The following ZC3H3 variants were observed in gnomAD, a reference collection of about 807,000 sequenced individuals.
The protein encoded by ZC3H3 is zinc finger CCCH domain-containing protein 3.
ZC3H3 carries 36 observed loss-of-function variants against 77.3 expected under a neutral mutation model. The ratio of observed to expected loss-of-function variants is 0.47; its 90% confidence interval spans 0.36 to 0.61. The LOEUF (loss-of-function observed/expected upper bound fraction) is 0.61, where lower values mean the gene tolerates loss of function less well. Ranked by LOEUF, ZC3H3 falls within the 20% of genes least tolerant of loss-of-function variation. The pLI is 0.00. For missense variants in ZC3H3, 1,331 were observed against 1,312.2 expected, an observed-to-expected ratio of 1.01 and a Z score of -0.22; for synonymous variants, 626 against 555.2, an observed-to-expected ratio of 1.13 and a Z score of -1.79.
Position 143,538,732 on chromosome 8 carries a change from G to A in ZC3H3, c.635C>T (p.Pro212Leu), listed in dbSNP as rs758053909. The change falls in exon 2 of 12, where the codon CCC (proline) becomes CTC (leucine). Residue 212 changes from proline to leucine, a missense_variant. Pro to Leu is a moderately conservative substitution (Grantham distance 98). This residue lies in a region of ZC3H3 where 978 missense variants were observed against 915.5 expected (regional missense o/e 1.07). Coordinates refer to ENST00000262577, the MANE Select transcript of ZC3H3 (RefSeq NM_015117.3). The part of the protein sequence containing the change: ...VKSVGSVGDS[P>L]REPRRTVSES... The stretch of plus-strand genomic sequence containing the variant: ...ACTGACTGTCCGGCGGGGCTCCCGG[G>A]GGCTGTCGCCCACACTGCCCACTGA... 2.5e-6 allele frequency: 4 copies of A among 1,609,914 alleles called. No homozygotes were observed. Among genetic ancestry groups the A allele is most frequent in the Non-Finnish European group, 2.5e-6 (3 of 1,179,866 alleles).
intron 4 of ZC3H3, among the ~76,000 whole-genome samples, chr8:143,490,366 C>G (rs1821168196): frequency 6.6e-6 from 1 of 152,258 alleles, no homozygotes; most frequent in Admixed American, 6.5e-5. Flanking sequence ...ACACTCCTGT[C>G]CCCTGTGGGG....
intron 3 of ZC3H3, among the ~76,000 whole-genome samples, chr8:143,526,485 T>C (rs947007853): frequency 2.0e-5 from 3 of 152,214 alleles, no homozygotes; most frequent in African/African-American, 7.2e-5. Flanking sequence ...CAGCACGCGA[T>C]TGGACTTGGT....
intron 9 of ZC3H3, among the ~76,000 whole-genome samples, chr8:143,442,587 G>A (rs1339053579): frequency 6.6e-6 from 1 of 152,176 alleles, no homozygotes; most frequent in Non-Finnish European, 1.5e-5. Context: ...GGCTGCGGGT[G>A]CATTTTATCA....
At chr8:143,483,166 G>A (rs952085659) in intron 4 of ZC3H3, among the ~76,000 whole-genome samples, 4 of 152,248 alleles carry the variant, frequency 2.6e-5, no homozygotes, top group Non-Finnish European at 2.9e-5. Context: ...GCGCCGCAGC[G>A]AATCCCCAAG....
chr8:143,533,333 G>A lies in ZC3H3; in HGVS notation c.1561+2924C>T, dbSNP rs185423705. Among the ~76,000 whole-genome samples the A allele has an allele frequency of 9.2e-5, 14 of 152,248 alleles. No homozygotes were observed. The highest frequency in any genetic ancestry group is 3.1e-4 in the African/African-American group (13 of 41,538). The stretch of plus-strand genomic sequence containing the variant: ...AGCTGAGCCCTATTCGCTCCTCTCT[G>A]CTCAGGTCACCTCCTCAGAGAAGCC... On this transcript the variant is annotated intron_variant, in intron 3 of 11. Coordinates refer to ENST00000262577, the MANE Select transcript of ZC3H3 (RefSeq NM_015117.3). This position sits in a 1 kb window ranked among gnomAD's most constrained non-coding sequence, Gnocchi z 4.0.
In ZC3H3 at chr8:143,527,277, G is replaced by T. The variant is rs1231095178; in HGVS notation, c.1561+8980C>A. On this transcript the variant is annotated intron_variant, in intron 3 of 11. Coordinates refer to ENST00000262577, the MANE Select transcript of ZC3H3 (RefSeq NM_015117.3). ...TGCCAAGACACGTGACTGGGGGGATGTGCCAGCCCTGGGCTGGGAAGAGAG... is the reference window on the plus strand; with the variant it reads ...TGCCAAGACACGTGACTGGGGGGATTTGCCAGCCCTGGGCTGGGAAGAGAG... 5.9e-5 allele frequency among the ~76,000 whole-genome samples: 9 copies of T among 152,340 alleles called. No homozygotes were observed. The East Asian group carries it at 1.7e-3, about 29-fold the overall frequency.
At chr8:143,492,195 C>T (rs540047730) in intron 4 of ZC3H3, among the ~76,000 whole-genome samples, 8 of 152,310 alleles carry the variant, frequency 5.3e-5, no homozygotes, top group South Asian at 2.1e-4. Context: ...CCAGGTCGGG[C>T]GGCAAAGCCT....
In ZC3H3 at chr8:143,507,961, G is replaced by A. The variant is rs1036984434; in HGVS notation, c.1562-62C>T. The A allele has an allele frequency of 2.9e-5, 43 of 1,483,114 alleles. 1 individual carries two copies. In the Admixed American group the frequency reaches 8.7e-4, roughly 30 times the overall value. The allele number at this position is 1,483,114 out of a possible 1,614,324, so 91.9% of individuals were successfully genotyped here. A position where few individuals can be genotyped will look rare whatever the true frequency, so the allele number is the denominator to read the frequency against. The stretch of plus-strand genomic sequence containing the variant: ...GAAGGCCGGCAAGGGTAGGGTCAGA[G>A]AGGCCACCCACAGTGCCAGCTCTGC... On this transcript the variant is annotated intron_variant, in intron 3 of 11. Coordinates refer to ENST00000262577, the MANE Select transcript of ZC3H3 (RefSeq NM_015117.3).
At chr8:143,449,981 C>G (rs1445879715) in intron 9 of ZC3H3, among the ~76,000 whole-genome samples, 1 of 152,182 alleles carries the variant, frequency 6.6e-6, no homozygotes, top group Non-Finnish European at 1.5e-5. Context: ...AACAATTTAA[C>G]AAGTCTCTAG....
At chr8:143,471,333 G>A (rs1022875958) in intron 5 of ZC3H3, among the ~76,000 whole-genome samples, 8 of 152,244 alleles carry the variant, frequency 5.3e-5, no homozygotes, top group African/African-American at 1.4e-4. Flanking sequence ...AGTGTGGGGC[G>A]GGGGCAAGCC....
chr8:143,521,893 G>A (rs1563151), intron 3 of ZC3H3, among the ~76,000 whole-genome samples: 4,249 of 152,326 alleles, frequency 0.028, 180 homozygotes, highest in African/African-American at 0.096. Context: ...CCACAGAGGC[G>A]GCTCCCATAT....
At chr8:143,450,172 C>T (rs966673525) in intron 9 of ZC3H3, among the ~76,000 whole-genome samples, 2 of 152,112 alleles carry the variant, frequency 1.3e-5, no homozygotes, top group South Asian at 2.1e-4. Context: ...AAATAAATAC[C>T]TCAGACTGGG....
chr8:143,517,101 C>A (rs1477215855), intron 3 of ZC3H3, among the ~76,000 whole-genome samples: 2 of 152,232 alleles, frequency 1.3e-5, no homozygotes, highest in African/African-American at 2.4e-5. Context: ...GATTGAGACC[C>A]TACTCTTCTT....
chr8:143,472,300 C>T (rs1475419356), intron 5 of ZC3H3, among the ~76,000 whole-genome samples: 1 of 152,254 alleles, frequency 6.6e-6, no homozygotes, highest in Non-Finnish European at 1.5e-5. Flanking sequence ...CCAACGGAGG[C>T]AGAGGCCAGT....
intron 5 of ZC3H3, among the ~76,000 whole-genome samples, chr8:143,474,760 G>A (rs1254552990): frequency 6.6e-6 from 1 of 152,198 alleles, no homozygotes; most frequent in Non-Finnish European, 1.5e-5. Flanking sequence ...AAATTGGACT[G>A]AAACCAAAAT....
chr8:143,511,954 T>C (rs1255413216), intron 3 of ZC3H3, among the ~76,000 whole-genome samples: 2 of 152,244 alleles, frequency 1.3e-5, no homozygotes, highest in African/African-American at 4.8e-5. Flanking sequence ...CGGAATTTGC[T>C]GGAATCAGCC....
chr8:143,438,123 C>A (rs978316704), intron 11 of ZC3H3, 36 bp from the exon 12 acceptor site: 1 of 1,594,904 alleles, frequency 6.3e-7, no homozygotes, highest in Non-Finnish European at 8.5e-7. Context: ...TGCCCGGAAA[C>A]CCCTGGAAGA....
At chr8:143,522,569 C>T (rs1822282239) in intron 3 of ZC3H3, among the ~76,000 whole-genome samples, 1 of 151,842 alleles carries the variant, frequency 6.6e-6, no homozygotes, top group African/African-American at 2.4e-5. Context: ...TGCCGCTGCA[C>T]ACTCCAGCCT....
intron 3 of ZC3H3, among the ~76,000 whole-genome samples, chr8:143,514,422 C>T (rs1176205696): frequency 6.6e-6 from 1 of 152,234 alleles, no homozygotes; most frequent in Non-Finnish European, 1.5e-5. Context: ...GGGCCTGCCT[C>T]CCAGCGTCCA....
Sources: allele counts gnomAD v4.1 joint callset (sites outside exome capture counted in the v4.1 genomes callset), GRCh38; gene constraint gnomAD v4.1.1; regional missense constraint gnomAD v4.1.1; non-coding constraint Gnocchi (gnomAD v3.1); transcripts MANE v1.5; gene names NCBI Gene and HGNC (gene_info 2026-07-23, HGNC 2026-07-21).